Variants in MRPL1 observed in about 807,000 individuals in gnomAD.
MRPL1 encodes large ribosomal subunit protein uL1m.
Under a neutral mutation model 38.0 loss-of-function variants are expected in MRPL1, and 28 were observed. The ratio of observed to expected loss-of-function variants is 0.74; its 90% confidence interval spans 0.55 to 1.01. The LOEUF (loss-of-function observed/expected upper bound fraction) is 1.01, where lower values mean the gene tolerates loss of function less well. Among genes scored for constraint, MRPL1 ranks in the 50% least tolerant of loss-of-function variants. The pLI is 0.00. For missense variants in MRPL1, 358 were observed against 389.8 expected, an observed-to-expected ratio of 0.92 and a Z score of 0.69; for synonymous variants, 123 against 126.7, an observed-to-expected ratio of 0.97 and a Z score of 0.20.
chr4:77,896,930 T>C (rs1735928861), intron 6 of MRPL1, among the ~76,000 whole-genome samples: 1 of 152,164 alleles, frequency 6.6e-6, no homozygotes, highest in Non-Finnish European at 1.5e-5. Flanking sequence ...TTGCTTATCG[T>C]CTGGCTTCCT....
At chr4:77,944,667 TA>T (rs1175909742) in intron 7 of MRPL1, among the ~76,000 whole-genome samples, 2 of 152,200 alleles carry the variant, frequency 1.3e-5, no homozygotes, top group Admixed American at 6.5e-5. Flanking sequence ...TATTAACATC[TA>T]AAAATTAGGA....
intron 7 of MRPL1, among the ~76,000 whole-genome samples, chr4:77,911,773 T>A (rs1291047746): frequency 6.6e-6 from 1 of 152,160 alleles, no homozygotes; most frequent in Non-Finnish European, 1.5e-5. Flanking sequence ...CAGCATTATT[T>A]GATACCAAAA....
chr4:77,917,575 A>C lies in MRPL1; in HGVS notation c.777+8203A>C, dbSNP rs564916895. Among the ~76,000 whole-genome samples, 12 of 152,312 alleles carry C rather than the reference A, an allele frequency of 7.9e-5. No homozygotes were observed. The East Asian group carries it at 9.6e-4, about 12-fold the overall frequency. On this transcript the variant is annotated intron_variant, in intron 7 of 8. Coordinates refer to ENST00000315567, the MANE Select transcript of MRPL1 (RefSeq NM_020236.4). ...ATTTAGAATCTAAGCATAAAAAAAA[A>C]CAGAAAACAACCAACTTAATATGTA...
At chr4:77,874,529 A>G (rs1735350776) in intron 2 of MRPL1, among the ~76,000 whole-genome samples, 3 of 152,298 alleles carry the variant, frequency 2.0e-5, no homozygotes, top group African/African-American at 7.2e-5. Flanking sequence ...GAGAAATAGA[A>G]TTGTTGGGTC....
At chr4:77,931,518 A>G (rs1228856476) in intron 7 of MRPL1, among the ~76,000 whole-genome samples, 2 of 152,234 alleles carry the variant, frequency 1.3e-5, no homozygotes, top group African/African-American at 4.8e-5. Flanking sequence ...CAGGTTGACA[A>G]TTCTACTGAC....
chr4:77,924,490 A>T (rs577874274), intron 7 of MRPL1, among the ~76,000 whole-genome samples: 33 of 151,990 alleles, frequency 2.2e-4, no homozygotes, highest in Non-Finnish European at 4.0e-4. Context: ...CCCTTCATTC[A>T]CGGCTCCGCT....
chr4:77,916,034 A>T (rs1410614507), intron 7 of MRPL1, among the ~76,000 whole-genome samples: 1 of 152,212 alleles, frequency 6.6e-6, no homozygotes, highest in African/African-American at 2.4e-5. Flanking sequence ...AGAGGAGAAA[A>T]AGTACATTTC....
chr4:77,910,368 T>C (rs996847152), intron 7 of MRPL1, among the ~76,000 whole-genome samples: 1 of 152,242 alleles, frequency 6.6e-6, no homozygotes, highest in African/African-American at 2.4e-5. Context: ...TTCTGCATTA[T>C]AGCTAGTAGT....
chr4:77,902,155 A>C (rs1463337661), intron 6 of MRPL1, among the ~76,000 whole-genome samples: 2 of 152,234 alleles, frequency 1.3e-5, no homozygotes, highest in Non-Finnish European at 2.9e-5. Flanking sequence ...CTGAAAACTC[A>C]ACATGTCAGA....
intron 5 of MRPL1, 22 bp from the exon 6 acceptor site, chr4:77,894,116 AC>A (rs754892606): frequency 1.2e-5 from 16 of 1,313,060 alleles, no homozygotes; most frequent in Non-Finnish European, 1.1e-5. Flanking sequence ...ATCTGAGGTC[AC>A]CTTTTTTTTT....
rs1735647367 is a variant in MRPL1, at chr4:77,885,247, T to A, written c.403-9T>A. 6.3e-7 allele frequency: 1 copy of A among 1,599,560 alleles called. No individual in the cohort carries two copies. The highest frequency in any genetic ancestry group is 2.2e-5 in the East Asian group (1 of 44,806). On this transcript the variant is annotated splice_polypyrimidine_tract_variant and intron_variant, in intron 3 of 8. Transcript: ENST00000315567. ...TTTACGTAATTATTTTTCCTTGTCA[T>A]GTGTTTAGAAAAACGTGGAGCCATT...
intron 6 of MRPL1, among the ~76,000 whole-genome samples, chr4:77,907,716 C>T (rs1350732054): frequency 6.6e-6 from 1 of 151,992 alleles, no homozygotes; most frequent in Non-Finnish European, 1.5e-5. Context: ...AGGCATGCGC[C>T]ACCACCTCAG....
At chr4:77,880,988 A>C (rs1735524417) in intron 2 of MRPL1, among the ~76,000 whole-genome samples, 2 of 152,120 alleles carry the variant, frequency 1.3e-5, no homozygotes, top group African/African-American at 2.4e-5. Context: ...TCATCCTTCT[A>C]CCTTTGAGCT....
chr4:77,938,062 A>G (rs1440232931), intron 7 of MRPL1, among the ~76,000 whole-genome samples: 1 of 152,224 alleles, frequency 6.6e-6, no homozygotes, highest in Non-Finnish European at 1.5e-5. Flanking sequence ...TTACTCATTC[A>G]TTTCCTCAGA....
chr4:77,907,164 C>T, intron 6 of MRPL1: 1 of 983,784 alleles, frequency 1.0e-6, no homozygotes, highest in Non-Finnish European at 1.2e-6. Flanking sequence ...TATTTCTTAC[C>T]CTTTAAATAA....
intron 5 of MRPL1, among the ~76,000 whole-genome samples, chr4:77,888,243 G>A (rs1200277446): frequency 1.3e-5 from 2 of 152,174 alleles, no homozygotes; most frequent in African/African-American, 4.8e-5. Flanking sequence ...AGTGGCTCAT[G>A]CCTGTAATCT....
At chr4:77,902,171 T>A (rs1469069703) in intron 6 of MRPL1, among the ~76,000 whole-genome samples, 1 of 152,108 alleles carries the variant, frequency 6.6e-6, no homozygotes, top group Admixed American at 6.5e-5. Context: ...TCAGAACTTG[T>A]GGGATGCAGC....
intron 7 of MRPL1, among the ~76,000 whole-genome samples, chr4:77,934,003 T>A (rs1035874710): frequency 1.3e-5 from 2 of 152,210 alleles, no homozygotes; most frequent in Admixed American, 1.3e-4. Flanking sequence ...GATGTTTTCC[T>A]ACATGTGAAA....
intron 7 of MRPL1, among the ~76,000 whole-genome samples, chr4:77,938,624 A>G (rs1737045384): frequency 6.6e-6 from 1 of 152,198 alleles, no homozygotes; most frequent in South Asian, 2.1e-4. Context: ...ACTGGACAGT[A>G]TCCCATAAAA....
Sources: gnomAD v4.1 joint callset for allele counts (sites outside exome capture counted in the v4.1 genomes callset) on GRCh38, gnomAD v4.1.1 for gene constraint, MANE v1.5 for transcripts, NCBI Gene and HGNC (gene_info 2026-07-23, HGNC 2026-07-21) for gene names.